Variants in STARD6 observed in about 807,000 individuals in gnomAD.
STARD6 encodes the protein stAR-related lipid transfer protein 6.
A neutral mutation model predicts 22.3 loss-of-function variants in STARD6; 21 were observed. The ratio of observed to expected loss-of-function variants is 0.94; its 90% CI spans 0.67 to 1.35. The LOEUF is 1.35. Among genes scored for constraint, STARD6 ranks in the 40% most tolerant of loss-of-function variants. STARD6 has a pLI of 0.00. For missense variants in STARD6, 269 were observed against 266.9 expected (o/e 1.01, Z -0.05); for synonymous variants, 80 against 88.1 (o/e 0.91, Z 0.52).
intron 3 of STARD6, 28 bp from the exon 4 acceptor site, chr18:54,354,131 A>C: frequency 7.0e-7 from 1 of 1,423,722 alleles, no homozygotes; most frequent in Non-Finnish European, 9.7e-7. Flanking sequence ...ATCCACAAAT[A>C]ATTAGCTGTC....
At chr18:54,327,884 G>A (rs957480841) in intron 7 of STARD6, among the ~76,000 whole-genome samples, 14 of 149,936 alleles carry the variant, frequency 9.3e-5, no homozygotes, top group Admixed American at 3.4e-4. Context: ...TTCACTTTCT[G>A]CAGTTTCATT....
At chr18:54,336,203 A>T (rs567575575) in intron 5 of STARD6, among the ~76,000 whole-genome samples, 1 of 152,118 alleles carries the variant, frequency 6.6e-6, no homozygotes, top group South Asian at 2.1e-4. Context: ...AACTGAGATA[A>T]TGTATTTGAA....
chr18:54,347,852 G>T (rs946153670), intron 4 of STARD6, among the ~76,000 whole-genome samples: 2 of 151,982 alleles, frequency 1.3e-5, no homozygotes, highest in African/African-American at 4.8e-5. Context: ...ATATGGGTTG[G>T]TTCTGTATCC....
At chr18:54,331,346 A>G (rs554884545) in intron 6 of STARD6, among the ~76,000 whole-genome samples, 1 of 152,330 alleles carries the variant, frequency 6.6e-6, no homozygotes, top group East Asian at 1.9e-4. Flanking sequence ...GTAAAGAGCC[A>G]TCTAGTGGAA....
At chr18:54,327,840 A>G (rs1454178377) in intron 7 of STARD6, among the ~76,000 whole-genome samples, 1 of 152,130 alleles carries the variant, frequency 6.6e-6, no homozygotes, top group Admixed American at 6.6e-5. Flanking sequence ...AAATGGCTAC[A>G]CCGAGAACAG....
chr18:54,346,300 TAAG>T (rs903983026), intron 4 of STARD6, among the ~76,000 whole-genome samples: 1 of 152,136 alleles, frequency 6.6e-6, no homozygotes, highest in African/African-American at 2.4e-5. Flanking sequence ...AATATGCACG[TAAG>T]AAGAAGCTTA....
intron 3 of STARD6, 146 bp from the exon 4 acceptor site, chr18:54,354,249 A>T (rs1444259283): frequency 1.1e-5 from 7 of 627,430 alleles, no homozygotes; most frequent in African/African-American, 1.9e-5. Context: ...ACAGGGTCTC[A>T]CTATGTTGCC....
At chr18:54,329,609 C>A (rs1019059428) in intron 6 of STARD6, among the ~76,000 whole-genome samples, 169 bp from the exon 7 acceptor site, 16 of 151,988 alleles carry the variant, frequency 1.1e-4, no homozygotes, top group African/African-American at 3.9e-4. Context: ...TGAGAAAATA[C>A]CAGTATCAAC....
At chr18:54,332,248 C>T (rs961595036) in intron 5 of STARD6, among the ~76,000 whole-genome samples, 1 of 152,202 alleles carries the variant, frequency 6.6e-6, no homozygotes, top group East Asian at 1.9e-4. Context: ...ATTGATTTAG[C>T]ACCCTGTGGT....
intron 4 of STARD6, among the ~76,000 whole-genome samples, chr18:54,348,565 A>G (rs1195571791): frequency 2.0e-5 from 3 of 152,196 alleles, no homozygotes; most frequent in Non-Finnish European, 4.4e-5. Context: ...AGTAACTTAC[A>G]TAGGCCCTTA....
chr18:54,334,271 T>C (rs925664799), intron 5 of STARD6, among the ~76,000 whole-genome samples: 4 of 152,204 alleles, frequency 2.6e-5, no homozygotes, highest in Non-Finnish European at 5.9e-5. Flanking sequence ...CATAGCCTCA[T>C]AACTTTTTGC....
intron 1 of STARD6, among the ~76,000 whole-genome samples, chr18:54,356,658 T>C (rs2089146839): frequency 6.6e-6 from 1 of 152,200 alleles, no homozygotes; most frequent in Admixed American, 6.5e-5. Flanking sequence ...AGAAACTATT[T>C]TAAAGGAACT....
chr18:54,336,886 G>A (rs555037243), intron 5 of STARD6, among the ~76,000 whole-genome samples: 70 of 152,266 alleles, frequency 4.6e-4, no homozygotes, highest in Non-Finnish European at 7.2e-4. Flanking sequence ...ATAACAAATG[G>A]CACACATTGC....
Position 54,329,437 on chromosome 18 carries a change from T to G in STARD6, c.389A>C (p.Lys130Thr), listed in dbSNP as rs1246643768. The part of the protein sequence containing the change: ...YEGNMNIISS[K>T]SVDFPEYPPS... ...AGGATATTCTGGAAAATCCACACTT[T>G]TAGCTAAGAGATTTTAAAAAATTAA... Residue 130 changes from lysine to threonine, a missense_variant, in exon 7 of 8, where the codon AAA (lysine) becomes ACA (threonine). Coordinates refer to ENST00000307844, the MANE Select transcript of STARD6 (RefSeq NM_139171.2). The G allele has an allele frequency of 1.9e-6, 3 of 1,594,826 alleles. No individual in the cohort carries two copies. The highest frequency in any genetic ancestry group is 1.7e-6 in the Non-Finnish European group (2 of 1,173,850).
chr18:54,348,153 C>T (rs1259192848), intron 4 of STARD6, among the ~76,000 whole-genome samples: 5 of 152,116 alleles, frequency 3.3e-5, no homozygotes, highest in African/African-American at 7.2e-5. Context: ...TTGTAAACTG[C>T]CCAGTCTCAG....
intron 4 of STARD6, among the ~76,000 whole-genome samples, chr18:54,353,770 A>G (rs1042356154): frequency 1.3e-5 from 2 of 152,196 alleles, no homozygotes; most frequent in African/African-American, 4.8e-5. Flanking sequence ...GAAAATACCA[A>G]TCTGCTTTTA....
At chr18:54,350,629 G>A (rs1336212879) in intron 4 of STARD6, among the ~76,000 whole-genome samples, 1 of 152,162 alleles carries the variant, frequency 6.6e-6, no homozygotes, top group Non-Finnish European at 1.5e-5. Flanking sequence ...TTAGATTTAA[G>A]TCTTTGATCC....
intron 6 of STARD6, among the ~76,000 whole-genome samples, chr18:54,331,234 A>G (rs4939757): frequency 4.6e-5 from 7 of 152,194 alleles, no homozygotes; most frequent in Admixed American, 4.6e-4. Context: ...TGCAAGTTAG[A>G]AAATGATTAC....
At chr18:54,326,457 G>A (rs1386525713) in intron 7 of STARD6, among the ~76,000 whole-genome samples, 13 of 150,542 alleles carry the variant, frequency 8.6e-5, no homozygotes, top group Non-Finnish European at 1.8e-4. Flanking sequence ...TCAGCCTCCC[G>A]AGTAGCTGGG....
Sources: allele counts gnomAD v4.1 joint callset (sites outside exome capture counted in the v4.1 genomes callset), GRCh38; gene constraint gnomAD v4.1.1; transcripts MANE v1.5; gene names NCBI Gene and HGNC (gene_info 2026-07-23, HGNC 2026-07-21).